Variants in PPARA observed in about 807,000 individuals in gnomAD.
The protein encoded by PPARA is peroxisome proliferator activated receptor alpha.
Under a neutral mutation model 42.2 loss-of-function variants are expected in PPARA, and 22 were observed. That is an observed-to-expected ratio of 0.52 (90% CI 0.37 to 0.74). The LOEUF (loss-of-function observed/expected upper bound fraction) is 0.74. PPARA is among the 30% of genes least tolerant of loss of function. The pLI is 0.00. For synonymous variants in PPARA, 242 were observed against 239.3 expected, an observed-to-expected ratio of 1.01 and a Z score of -0.10; for missense variants, 465 against 608.2, an observed-to-expected ratio of 0.76 and a Z score of 2.48.
At chr22:46,218,551 C>A in intron 6 of PPARA, 150 bp downstream of exon 6, 1 of 1,350,464 alleles carries the variant, frequency 7.4e-7, no homozygotes, top group Non-Finnish European at 1.0e-6. Flanking sequence ...AAATAAAAGT[C>A]GCCCAGGCGC....
At chr22:46,198,235 C>G in intron 3 of PPARA, 107 bp from the exon 4 acceptor site, 1 of 238,004 alleles carries the variant, frequency 4.2e-6, no homozygotes, top group Non-Finnish European at 6.0e-6. Flanking sequence ...GAGACTCTGT[C>G]TCAAAAAAAA....
At position 46,201,747 on chromosome 22, in the gene PPARA, A is replaced by G. The variant is rs550637977; in HGVS notation, c.208+3156A>G. 5.3e-5 allele frequency among the ~76,000 whole-genome samples: 8 copies of G among 152,240 alleles called. No individual in the cohort carries two copies. In the South Asian group the frequency reaches 1.7e-3, roughly 32 times the overall value. Reference sequence around the variant, plus strand: ...CCCAGGACATCCTGACGTGCTGGAGATCACCAGCCCAGAACCCAGCTCTTA... The same window carrying G: ...CCCAGGACATCCTGACGTGCTGGAGGTCACCAGCCCAGAACCCAGCTCTTA... On this transcript the variant is annotated intron_variant, in intron 4 of 8. Transcript: ENST00000407236.
Position 46,224,518 on chromosome 22 carries a change from T to C in PPARA, c.711+4504T>C, listed in dbSNP as rs1400426289. The stretch of plus-strand genomic sequence containing the variant: ...CTTGATCTCTGCCCAGTGGCCCACA[T>C]GCGGTCGCCGTTTCATCAGTTTCCA... On this transcript the variant is annotated intron_variant, in intron 7 of 8. Coordinates refer to ENST00000407236, the MANE Select transcript of PPARA (RefSeq NM_005036.6). The surrounding 1 kb of genome is among the most constrained non-coding windows in gnomAD (Gnocchi z 5.7). Among the ~76,000 whole-genome samples the C allele has an allele frequency of 6.6e-6, 1 of 152,138 alleles. No individual in the cohort carries two copies. Among genetic ancestry groups the C allele is most frequent in the East Asian group, 1.9e-4 (1 of 5,182 alleles).
In PPARA at chr22:46,232,081, A is replaced by C. The variant is rs1378678129; in HGVS notation, c.1001A>C (p.Tyr334Ser). 1 of 1,614,130 alleles carries C rather than the reference A, an allele frequency of 6.2e-7. No individual in the cohort carries two copies. Among genetic ancestry groups the C allele is most frequent in the Non-Finnish European group, 8.5e-7 (1 of 1,180,046 alleles). Reference sequence around the variant, plus strand: ...AACAAAGACGGGATGCTGGTAGCGTATGGAAATGGGTTTATAACTCGTGAA... The same window carrying C: ...AACAAAGACGGGATGCTGGTAGCGTCTGGAAATGGGTTTATAACTCGTGAA... ...VMNKDGMLVA[Y>S]GNGFITREFL... The change falls in exon 8 of 9, where the codon TAT becomes TCT. Residue 334 changes from tyrosine to serine, a missense_variant. Around this residue, in one of 2 missense-constraint regions of PPARA, gnomAD observed 313 missense variants for 469.1 expected, o/e 0.67. Transcript: ENST00000407236. This position sits in a 1 kb window ranked among gnomAD's most constrained non-coding sequence, Gnocchi z 5.3.
chr22:46,168,595 G>A (rs1927488602), intron 2 of PPARA, among the ~76,000 whole-genome samples: 1 of 151,760 alleles, frequency 6.6e-6, no homozygotes, highest in Admixed American at 6.6e-5. Flanking sequence ...ATTAAAAATG[G>A]GTGAAAGATG....
chr22:46,177,032 A>G (rs879262756), intron 3 of PPARA, among the ~76,000 whole-genome samples, 196 bp downstream of exon 3: 3 of 152,116 alleles, frequency 2.0e-5, no homozygotes, highest in Non-Finnish European at 2.9e-5. Context: ...AACACAGTGA[A>G]ACCCTGTCTC....
Position 46,188,078 on chromosome 22 carries a change from C to A in PPARA, c.-42-10264C>A, listed in dbSNP as rs117502370. On this transcript the variant is annotated intron_variant, in intron 3 of 8. Transcript: ENST00000407236. This position sits in a 1 kb window ranked among gnomAD's most constrained non-coding sequence, Gnocchi z 5.0. Reference sequence around the variant, plus strand: ...CAGCTACCAGGCATGTGACTGAGGCCATCCAGCCATAGCTGAGCCACAAAA... The same window carrying A: ...CAGCTACCAGGCATGTGACTGAGGCAATCCAGCCATAGCTGAGCCACAAAA... Among the ~76,000 whole-genome samples the A allele has an allele frequency of 7.0e-4, 106 of 152,314 alleles. 1 individual carries two copies. The East Asian group carries it at 0.016, about 22-fold the overall frequency.
chr22:46,212,620 A>T lies in PPARA; in HGVS notation c.209-2553A>T, dbSNP rs1476647094. 1.3e-5 allele frequency among the ~76,000 whole-genome samples: 2 copies of T among 152,162 alleles called. No individual in the cohort carries two copies. Among genetic ancestry groups the T allele is most frequent in the Non-Finnish European group, 2.9e-5 (2 of 68,032 alleles). On this transcript the variant is annotated intron_variant, in intron 4 of 8. Coordinates refer to ENST00000407236, the MANE Select transcript of PPARA (RefSeq NM_005036.6). This position sits in a 1 kb window ranked among gnomAD's most constrained non-coding sequence, Gnocchi z 4.2. ...ATCTCATTTCTTTTTACACTGAATGAGTTCCCACTGTCTGTTTGTACCACA... is the reference window on the plus strand; with the variant it reads ...ATCTCATTTCTTTTTACACTGAATGTGTTCCCACTGTCTGTTTGTACCACA...
chr22:46,198,088 A>G (rs1426694639), intron 3 of PPARA, among the ~76,000 whole-genome samples: 5 of 149,458 alleles, frequency 3.3e-5, no homozygotes, highest in Admixed American at 6.7e-5. Context: ...AATACAAAAA[A>G]TTAGCCAGGC....
In PPARA at chr22:46,160,300, C is replaced by T. The variant is rs1404346182; in HGVS notation, c.-127+8330C>T. On this transcript the variant is annotated intron_variant, in intron 2 of 8. Transcript: ENST00000407236. The surrounding 1 kb of genome is among the most constrained non-coding windows in gnomAD (Gnocchi z 4.5). ...AATATAAGAAATCTATATTGGTGTT[C>T]GTTTGTTTGTTTTTGAGATGGAGTC... is the stretch of plus-strand genomic sequence containing the variant. Among the ~76,000 whole-genome samples the T allele has an allele frequency of 6.6e-6, 1 of 152,082 alleles. No individual in the cohort carries two copies. The highest frequency in any genetic ancestry group is 1.5e-5 in the Non-Finnish European group (1 of 68,018).
intron 2 of PPARA, among the ~76,000 whole-genome samples, chr22:46,169,713 T>C (rs1057120489): frequency 2.9e-4 from 44 of 152,062 alleles, no homozygotes; most frequent in African/African-American, 1.1e-3. Context: ...GAAAAAGATA[T>C]ATAAGATCTC....
At chr22:46,166,070 C>A (rs1926993478) in intron 2 of PPARA, among the ~76,000 whole-genome samples, 1 of 152,112 alleles carries the variant, frequency 6.6e-6, no homozygotes, top group Non-Finnish European at 1.5e-5. Context: ...CAGATCAGAT[C>A]CCAGCTCCCA....
At chr22:46,198,728 T>C (rs1932652111) in intron 4 of PPARA, 137 bp downstream of exon 4, 1 of 881,882 alleles carries the variant, frequency 1.1e-6, no homozygotes, top group African/African-American at 1.8e-5. Context: ...TGGCTCGATC[T>C]CGGCTCACTG....
At chr22:46,179,200 A>G (rs550686861) in intron 3 of PPARA, among the ~76,000 whole-genome samples, 1 of 152,328 alleles carries the variant, frequency 6.6e-6, no homozygotes, top group African/African-American at 2.4e-5. Flanking sequence ...GAATTTGGAA[A>G]CTAAGTTTCC....
At chr22:46,202,577 A>G (rs1325523289) in intron 4 of PPARA, among the ~76,000 whole-genome samples, 1 of 152,096 alleles carries the variant, frequency 6.6e-6, no homozygotes, top group Non-Finnish European at 1.5e-5. Flanking sequence ...TCTCTACTAA[A>G]AATAAAAAAA....
rs903239879 is a variant in PPARA, at chr22:46,239,887, G to A, written c.*4507G>A. On this transcript the variant is annotated 3_prime_UTR_variant, in exon 9 of 9. Transcript: ENST00000407236. ...CATTTTCAAACCACTGTATCTCTGC[G>A]CACATCTGCTACTTACCAGCCGCAT... 9.6e-6 allele frequency: 3 copies of A among 313,310 alleles called. No homozygotes were observed. Among genetic ancestry groups the A allele is most frequent in the East Asian group, 5.0e-5 (1 of 20,152 alleles). 19.4% of individuals were successfully genotyped at this position (313,310 alleles called of 1,614,324 possible). A position where few individuals can be genotyped will look rare whatever the true frequency, so the allele number is the denominator to read the frequency against.
At chr22:46,154,178 C>T (rs1410855156) in intron 2 of PPARA, among the ~76,000 whole-genome samples, 5 of 152,094 alleles carry the variant, frequency 3.3e-5, no homozygotes. Context: ...ATTTTCATAC[C>T]AGAATATAAA....
chr22:46,206,808 C>T (rs931833925), intron 4 of PPARA, among the ~76,000 whole-genome samples: 2 of 152,174 alleles, frequency 1.3e-5, no homozygotes, highest in African/African-American at 4.8e-5. Flanking sequence ...CATCTGCTAT[C>T]ATTTTCCTTC....
chr22:46,206,766 G>A (rs1440602880), intron 4 of PPARA, among the ~76,000 whole-genome samples: 2 of 151,902 alleles, frequency 1.3e-5, no homozygotes, highest in African/African-American at 4.8e-5. Flanking sequence ...ACCTTTTCTA[G>A]TGCTATATAC....
Sources: gnomAD v4.1 joint callset for allele counts (sites outside exome capture counted in the v4.1 genomes callset) on GRCh38, gnomAD v4.1.1 for gene constraint, gnomAD v4.1.1 regional missense constraint, Gnocchi (gnomAD v3.1) non-coding constraint, MANE v1.5 for transcripts, NCBI Gene and HGNC (gene_info 2026-07-23, HGNC 2026-07-21) for gene names.